The following ASAP2 variants were observed in gnomAD, a reference collection of about 807,000 sequenced individuals.
ASAP2 encodes the protein ArfGAP with SH3 domain, ankyrin repeat and PH domain 2, also known as arf-GAP with SH3 domain, ANK repeat and PH domain-containing protein 2.
A neutral mutation model predicts 131.4 loss-of-function variants in ASAP2; 45 were observed. The ratio of observed to expected loss-of-function variants is 0.34; its 90% CI spans 0.27 to 0.44. The LOEUF is 0.44. Among genes scored for constraint, ASAP2 ranks in the 20% least tolerant of loss-of-function variants. ASAP2 has a pLI of 1.00. For missense variants in ASAP2, 1,011 were observed against 1,297.0 expected (o/e 0.78, Z 3.39); for synonymous variants, 510 against 503.0 (o/e 1.01, Z -0.19).
At position 9,215,058 on chromosome 2, in the gene ASAP2, TACAC is replaced by T. The variant is rs1184885130; in HGVS notation, c.126+7833_126+7836del. Among the ~76,000 whole-genome samples the T allele has an allele frequency of 5.3e-5, 8 of 152,308 alleles. No homozygotes were observed. In the East Asian group the frequency reaches 9.6e-4, roughly 18 times the overall value. On this transcript the variant is annotated intron_variant, in intron 1 of 27. Transcript: ENST00000281419. ...TTGTGCGAACATCCTAGAGTGCACT[TACAC>T]ACACCCAGATGGCATGCAGGCACCT... is the stretch of plus-strand genomic sequence containing the variant.
rs533619678 is a variant in ASAP2 at position 9,400,827 on chromosome 2, G to A, written c.2820G>A (p.Gln940=). Residue 940 remains glutamine (Q), a synonymous_variant, in exon 26 of 28, where the codon CAG becomes CAA. Transcript: ENST00000281419. ...QPPAPMPRKS[Q]ATKLKPKRVK... ...CTGCACCCATGCCTAGGAAGTCGCAGGCAGTAAGTGACGAGCCCCCTTTCC... is the reference window on the plus strand; with the variant it reads ...CTGCACCCATGCCTAGGAAGTCGCAAGCAGTAAGTGACGAGCCCCCTTTCC... The A allele has an allele frequency of 4.3e-6, 7 of 1,613,270 alleles. No individual in the cohort carries two copies. The highest frequency in any genetic ancestry group is 2.2e-5 in the East Asian group (1 of 44,860).
At chr2:9,258,106 G>A (rs895373405) in intron 1 of ASAP2, among the ~76,000 whole-genome samples, 11 of 152,118 alleles carry the variant, frequency 7.2e-5, no homozygotes, top group Admixed American at 5.9e-4. Flanking sequence ...AGGATATACG[G>A]ACATACACAT....
At chr2:9,347,188 G>A (rs1247413776) in intron 11 of ASAP2, among the ~76,000 whole-genome samples, 2 of 152,164 alleles carry the variant, frequency 1.3e-5, no homozygotes, top group African/African-American at 4.8e-5. Context: ...CCAGCCCTCC[G>A]TTCAGTGGCT....
chr2:9,228,520 G>C (rs1662931503), intron 1 of ASAP2, among the ~76,000 whole-genome samples: 1 of 152,188 alleles, frequency 6.6e-6, no homozygotes, highest in South Asian at 2.1e-4. Context: ...GTGGCCACAG[G>C]AGGAGTAAAC....
At chr2:9,369,122 G>T (rs1364693245) in intron 16 of ASAP2, among the ~76,000 whole-genome samples, 1 of 151,732 alleles carries the variant, frequency 6.6e-6, no homozygotes, top group African/African-American at 2.4e-5. Flanking sequence ...AGGTTCAAGC[G>T]ATTCTTCTGC....
chr2:9,353,179 G>A (rs1361615113), intron 12 of ASAP2, among the ~76,000 whole-genome samples: 1 of 152,166 alleles, frequency 6.6e-6, no homozygotes, highest in Non-Finnish European at 1.5e-5. Flanking sequence ...AGGAGCATCT[G>A]TCTTCACCCC....
At position 9,396,568 on chromosome 2, in the gene ASAP2, C is replaced by T. The variant is rs187153222; in HGVS notation, c.2684+2921C>T. Among the ~76,000 whole-genome samples the T allele has an allele frequency of 5.3e-5, 8 of 152,286 alleles. No homozygotes were observed. The East Asian group carries it at 5.8e-4, about 11-fold the overall frequency. On this transcript the variant is annotated intron_variant, in intron 24 of 27. Transcript: ENST00000281419. Reference sequence around the variant, plus strand: ...CTGGGATTACAGGCATGAGGCACTGCGCCTCACCTCTTTTAGGTTTAATTT... The same window carrying T: ...CTGGGATTACAGGCATGAGGCACTGTGCCTCACCTCTTTTAGGTTTAATTT...
rs765610462 is a variant in ASAP2, at chr2:9,255,050, C to T, written c.127-24267C>T. On this transcript the variant is annotated intron_variant, in intron 1 of 27. Transcript: ENST00000281419. ...CATCATTTTTCATTTCCACTAACCA[C>T]GTATGAGAGTTCCAGTTCCTTCACT... Among the ~76,000 whole-genome samples, 10 of 152,338 alleles carry T rather than the reference C, an allele frequency of 6.6e-5. No individual in the cohort carries two copies. The Middle Eastern group carries it at 0.014, about 207-fold the overall frequency.
intron 5 of ASAP2, among the ~76,000 whole-genome samples, chr2:9,322,757 C>T (rs981083170): frequency 6.6e-6 from 1 of 152,100 alleles, no homozygotes; most frequent in Admixed American, 6.5e-5. Flanking sequence ...GGGAGGAAGT[C>T]CAGGAGGAGA....
intron 3 of ASAP2, among the ~76,000 whole-genome samples, chr2:9,302,574 C>CAGCT (rs1032976774): frequency 3.3e-5 from 5 of 150,784 alleles, no homozygotes; most frequent in African/African-American, 1.2e-4. Flanking sequence ...TCCCGGGTTC[C>CAGCT]AGCTATTCTT....
chr2:9,367,554 A>T (rs1286201221), intron 15 of ASAP2, among the ~76,000 whole-genome samples: 1 of 151,900 alleles, frequency 6.6e-6, no homozygotes, highest in African/African-American at 2.4e-5. Flanking sequence ...TGAGCCCAGG[A>T]GTTCGAGACC....
intron 9 of ASAP2, among the ~76,000 whole-genome samples, 195 bp from the exon 10 acceptor site, chr2:9,344,336 GC>G (rs1206034815): frequency 3.1e-4 from 47 of 152,254 alleles, no homozygotes; most frequent in African/African-American, 1.0e-3. Flanking sequence ...TCCTTCTCCA[GC>G]CTGATAGATG....
At chr2:9,391,764 T>TTTTTTG in intron 23 of ASAP2, among the ~76,000 whole-genome samples, 1 of 150,938 alleles carries the variant, frequency 6.6e-6, no homozygotes. Context: ...TTTGTATTTT[T>TTTTTTG]AGTAGAGATG....
chr2:9,280,982 G>T (rs1396193783), intron 2 of ASAP2, among the ~76,000 whole-genome samples: 1 of 152,194 alleles, frequency 6.6e-6, no homozygotes, highest in Non-Finnish European at 1.5e-5. Flanking sequence ...CTGTGTCAGG[G>T]TTGTGTGCAG....
intron 16 of ASAP2, among the ~76,000 whole-genome samples, chr2:9,369,600 A>G (rs1172867775): frequency 1.3e-5 from 2 of 152,252 alleles, no homozygotes; most frequent in African/African-American, 4.8e-5. Context: ...GCCAGTTAAC[A>G]GAGCACCTGC....
Position 9,207,098 on chromosome 2 carries a change from C to T in ASAP2, c.-7C>T. 6.4e-7 allele frequency: 1 copy of T among 1,574,310 alleles called. No individual in the cohort carries two copies. The highest frequency in any genetic ancestry group is 8.6e-7 in the Non-Finnish European group (1 of 1,161,340). ...CGGCTGTGCGCCAGCGCCCTCGCGC[C>T]GAGGCGATGCCGGACCAGATCTCCG... On this transcript the variant is annotated 5_prime_UTR_variant, in exon 1 of 28. Transcript: ENST00000281419. The surrounding 1 kb of genome is among the most constrained non-coding windows in gnomAD (Gnocchi z 4.1).
intron 1 of ASAP2, among the ~76,000 whole-genome samples, chr2:9,240,354 G>A (rs1663877168): frequency 6.6e-6 from 1 of 151,102 alleles, no homozygotes; most frequent in South Asian, 2.1e-4. Context: ...CCTGGGCCCA[G>A]GTGATCCTCC....
At chr2:9,399,760 A>T (rs1676468218) in intron 24 of ASAP2, 1 of 531,166 alleles carries the variant, frequency 1.9e-6, no homozygotes. Flanking sequence ...ATCACTCCAG[A>T]CCCTGGCCAT....
intron 2 of ASAP2, among the ~76,000 whole-genome samples, chr2:9,282,288 C>T (rs1004555699): frequency 3.3e-5 from 5 of 152,124 alleles, no homozygotes; most frequent in Admixed American, 3.3e-4. Flanking sequence ...CCTGAAAAGT[C>T]CTAAGTCCTA....
Sources: allele counts gnomAD v4.1 joint callset (sites outside exome capture counted in the v4.1 genomes callset), GRCh38; gene constraint gnomAD v4.1.1; non-coding constraint Gnocchi (gnomAD v3.1); transcripts MANE v1.5; gene names NCBI Gene and HGNC (gene_info 2026-07-23, HGNC 2026-07-21).